The following XKR9 variants were observed in gnomAD, a reference collection of about 807,000 sequenced individuals.
XKR9 encodes the protein XK related 9, also known as XK-related protein 9.
A neutral mutation model predicts 32.0 loss-of-function variants in XKR9; 32 were observed. The observed-to-expected ratio is 1.00, with a 90% CI of 0.76 to 1.34. The LOEUF (loss-of-function observed/expected upper bound fraction) is 1.34, where lower values mean the gene tolerates loss of function less well. Ranked by LOEUF, XKR9 falls within the 40% of genes most tolerant of loss-of-function variation. The pLI is 0.00. For missense variants in XKR9, 546 were observed against 429.7 expected, an observed-to-expected ratio of 1.27 and a Z score of -2.39; for synonymous variants, 168 against 143.4, an observed-to-expected ratio of 1.17 and a Z score of -1.22.
the XKR9 span, among the ~76,000 whole-genome samples, chr8:70,861,450 A>G: frequency 6.6e-6 from 1 of 152,006 alleles, no homozygotes; most frequent in Non-Finnish European, 1.5e-5. Context: ...CAGGAAGTTC[A>G]GATCAGCCTA....
intron 2 of XKR9, among the ~76,000 whole-genome samples, chr8:70,777,247 G>T (rs1037291600): frequency 3.9e-5 from 6 of 151,934 alleles, no homozygotes; most frequent in Non-Finnish European, 8.8e-5. Flanking sequence ...GAGAATGATG[G>T]TTTCCAGCTT....
At chr8:70,874,419 G>T in the XKR9 span, among the ~76,000 whole-genome samples, 1 of 152,136 alleles carries the variant, frequency 6.6e-6, no homozygotes, top group East Asian at 1.9e-4. Context: ...TCTGTAATAA[G>T]TAGAAATGTT....
intron 4 of XKR9, among the ~76,000 whole-genome samples, chr8:70,716,230 T>C (rs1806083913): frequency 6.6e-6 from 1 of 152,126 alleles, no homozygotes; most frequent in South Asian, 2.1e-4. Context: ...ACAAGGCAGT[T>C]GTCAACTCCA....
At chr8:71,059,905 A>T in the XKR9 span, among the ~76,000 whole-genome samples, 4 of 152,180 alleles carry the variant, frequency 2.6e-5, no homozygotes, top group African/African-American at 4.8e-5. Flanking sequence ...ATGAAATCTT[A>T]AGAAACTTGT....
intron 2 of XKR9, among the ~76,000 whole-genome samples, chr8:70,782,743 A>G (rs1264714148): frequency 6.6e-6 from 1 of 152,156 alleles, no homozygotes; most frequent in Admixed American, 6.5e-5. Context: ...GTTTTCAGAA[A>G]TGATAAGATT....
intron 2 of XKR9, among the ~76,000 whole-genome samples, chr8:70,744,708 T>C (rs1807034078): frequency 6.6e-6 from 1 of 152,184 alleles, no homozygotes; most frequent in African/African-American, 2.4e-5. Context: ...TGGGTTCGCG[T>C]GATTCTTGTG....
intron 2 of XKR9, among the ~76,000 whole-genome samples, chr8:70,779,482 G>T (rs1807585602): frequency 6.6e-6 from 1 of 152,166 alleles, no homozygotes; most frequent in South Asian, 2.1e-4. Context: ...ATGAGGTAGG[G>T]AGGATTCCCT....
chr8:70,761,186 GTCT>G lies in XKR9; in HGVS notation n.353-28151_353-28149del, dbSNP rs1266953104. 5.9e-5 allele frequency among the ~76,000 whole-genome samples: 9 copies of G among 152,288 alleles called. No homozygotes were observed. The East Asian group carries it at 1.5e-3, about 26-fold the overall frequency. On this transcript the variant is annotated intron_variant and non_coding_transcript_variant, in intron 2 of 3. Transcript: ENST00000520273. ...CTGCAATGAACATACACATGCATGT[GTCT>G]TTATAGTAGAACAATTATGTTAATT... is the stretch of plus-strand genomic sequence containing the variant.
chr8:71,001,026 A>AGCATCAGTTTTCTTGTCAACAAAATAGG, the XKR9 span, among the ~76,000 whole-genome samples: 1 of 152,178 alleles, frequency 6.6e-6, no homozygotes, highest in African/African-American at 2.4e-5. Context: ...GACCCTACTG[A>AGCATCAGTTTTCTTGTCAACAAAATAGG]GCATCAGTTT....
the XKR9 span, among the ~76,000 whole-genome samples, chr8:70,846,338 T>C: frequency 7.9e-5 from 12 of 152,014 alleles, no homozygotes; most frequent in African/African-American, 2.9e-4. Flanking sequence ...AGATGATATA[T>C]ACCATCATAA....
chr8:70,967,206 G>T, the XKR9 span, among the ~76,000 whole-genome samples: 2 of 151,968 alleles, frequency 1.3e-5, no homozygotes, highest in Non-Finnish European at 2.9e-5. Flanking sequence ...GGGACTACAG[G>T]CGCCTGCCAG....
chr8:71,012,004 T>C, the XKR9 span, among the ~76,000 whole-genome samples: 1 of 151,328 alleles, frequency 6.6e-6, no homozygotes, highest in African/African-American at 2.4e-5. Flanking sequence ...CCATGTTCTC[T>C]TTTTACATTG....
the XKR9 span, among the ~76,000 whole-genome samples, chr8:70,958,760 A>G: frequency 1.3e-5 from 2 of 152,120 alleles, no homozygotes; most frequent in African/African-American, 4.8e-5. Context: ...TCATCATGGA[A>G]TCTTTGAGAT....
intron 2 of XKR9, among the ~76,000 whole-genome samples, chr8:70,745,784 A>C (rs537138020): frequency 6.6e-6 from 1 of 152,246 alleles, no homozygotes; most frequent in East Asian, 1.9e-4. Context: ...GCTACAAGCC[A>C]GGAGAACACC....
intron 2 of XKR9, among the ~76,000 whole-genome samples, chr8:70,757,884 G>T (rs1807252256): frequency 6.6e-6 from 1 of 152,142 alleles, no homozygotes; most frequent in Admixed American, 6.6e-5. Context: ...ACCGTGCCTG[G>T]CTGCTTTCCT....
chr8:70,950,223 G>C, the XKR9 span, among the ~76,000 whole-genome samples: 1 of 152,104 alleles, frequency 6.6e-6, no homozygotes, highest in Non-Finnish European at 1.5e-5. Flanking sequence ...ACTTGGTGGG[G>C]GAAGACAGAC....
chr8:70,685,338 A>T (rs1819227341), intron 3 of XKR9, among the ~76,000 whole-genome samples: 1 of 99,388 alleles, frequency 1.0e-5, no homozygotes, highest in Non-Finnish European at 1.8e-5. Context: ...CACCCTGGGG[A>T]CTGTTGTGGG....
intron 3 of XKR9, chr8:70,683,417 G>A (rs1819151474): frequency 2.7e-6 from 1 of 366,276 alleles, no homozygotes; most frequent in African/African-American, 2.2e-5. Flanking sequence ...TTTTGTTTAT[G>A]TTTACCCATA....
At position 70,721,279 on chromosome 8, in the gene XKR9, G is replaced by A. The variant is rs1392668063; in HGVS notation, c.494-12517G>A. Among the ~76,000 whole-genome samples the A allele has an allele frequency of 2.6e-5, 4 of 151,782 alleles. No homozygotes were observed. In the East Asian group the frequency reaches 7.7e-4, roughly 29 times the overall value. On this transcript the variant is annotated intron_variant, in intron 4 of 4. Coordinates refer to ENST00000408926, the MANE Select transcript of XKR9 (RefSeq NM_001011720.2). ...TCTGGATTCATTGATTTTTTTGAAC[G>A]GTTTTTCGTTTCTCTATCTCCTTCA...
Sources: allele counts gnomAD v4.1 joint callset (sites outside exome capture counted in the v4.1 genomes callset), GRCh38; gene constraint gnomAD v4.1.1; transcripts MANE v1.5; gene names NCBI Gene and HGNC (gene_info 2026-07-23, HGNC 2026-07-21).